The following DDX43 variants were observed in gnomAD, a reference collection of about 807,000 sequenced individuals.
DDX43 encodes the protein DEAD-box helicase 43.
In DDX43, 50 loss-of-function variants were observed where a neutral mutation model predicts 84.9. That is an observed-to-expected ratio of 0.59 (90% confidence interval 0.47 to 0.75). DDX43 has a LOEUF of 0.75. Ranked by LOEUF, DDX43 falls within the 30% of genes least tolerant of loss-of-function variation. The probability of loss-of-function intolerance (pLI) is 0.00; values close to 1 mark genes in which losing one functional copy is unlikely to be tolerated. For missense variants in DDX43, 689 were observed against 798.6 expected, an observed-to-expected ratio of 0.86 and a Z score of 1.65; for synonymous variants, 291 against 266.3, an observed-to-expected ratio of 1.09 and a Z score of -0.90.
chr6:73,395,435 T>A (rs917331605), intron 1 of DDX43, among the ~76,000 whole-genome samples: 1 of 151,762 alleles, frequency 6.6e-6, no homozygotes, highest in African/African-American at 2.4e-5. Flanking sequence ...CAAAACCCTG[T>A]CTCTACTAAA....
At chr6:73,416,036 C>T (rs1769891986) in intron 15 of DDX43, 77 bp from the exon 16 acceptor site, 1 of 790,020 alleles carries the variant, frequency 1.3e-6, no homozygotes, top group Non-Finnish European at 2.2e-6. Flanking sequence ...GTGCGATTAT[C>T]TGAAATGATT....
rs928862461 is a variant in DDX43 at position 73,397,600 on chromosome 6, A to G, written c.251-89A>G. The G allele has an allele frequency of 3.9e-6, 4 of 1,027,316 alleles. No individual in the cohort carries two copies. In the African/African-American group the frequency reaches 6.4e-5, roughly 16 times the overall value. The allele number at this position is 1,027,316 out of a possible 1,614,324, so 63.6% of individuals were successfully genotyped here. On this transcript the variant is annotated intron_variant, in intron 1 of 16. Coordinates refer to ENST00000370336, the MANE Select transcript of DDX43 (RefSeq NM_018665.3). ...ACCCTAGGAGCATTTGGGGGGAAGA[A>G]CTAGAGAATGTTTGTTGAGGAAAAT...
chr6:73,415,732 T>C, intron 15 of DDX43, 148 bp downstream of exon 15: 1 of 582,396 alleles, frequency 1.7e-6, no homozygotes, highest in Non-Finnish European at 3.0e-6. Context: ...TAAGAAACTA[T>C]GGGAGCATAT....
At position 73,410,327 on chromosome 6, in the gene DDX43, C is replaced by T. The variant is rs888942706; in HGVS notation, c.1280+979C>T. Among the ~76,000 whole-genome samples, 3 of 152,020 alleles carry T rather than the reference C, an allele frequency of 2.0e-5. No individual in the cohort carries two copies. The East Asian group carries it at 5.8e-4, about 30-fold the overall frequency. On this transcript the variant is annotated intron_variant, in intron 10 of 16. Coordinates refer to ENST00000370336, the MANE Select transcript of DDX43 (RefSeq NM_018665.3). Reference sequence around the variant, plus strand: ...GACTACAGGCACACGTCACCATGCCCAGCTAATTATTGTATTTTTACCGAT... The same window carrying T: ...GACTACAGGCACACGTCACCATGCCTAGCTAATTATTGTATTTTTACCGAT...
chr6:73,413,616 A>G (rs755078767), intron 11 of DDX43, 42 bp from the exon 12 acceptor site: 2 of 1,598,952 alleles, frequency 1.3e-6, no homozygotes, highest in East Asian at 2.2e-5. Context: ...CTCACCCTCA[A>G]TCATGATGAC....
At chr6:73,397,569 T>C in intron 1 of DDX43, 120 bp from the exon 2 acceptor site, 2 of 785,634 alleles carry the variant, frequency 2.5e-6, no homozygotes, top group Non-Finnish European at 4.1e-6. Flanking sequence ...AAAAAATGAT[T>C]GTTGAACCCT....
At chr6:73,403,507 T>C (rs1769616035) in intron 4 of DDX43, among the ~76,000 whole-genome samples, 1 of 151,914 alleles carries the variant, frequency 6.6e-6, no homozygotes, top group African/African-American at 2.4e-5. Context: ...GAAATGTAAC[T>C]TAAGAGAGTA....
intron 4 of DDX43, among the ~76,000 whole-genome samples, chr6:73,403,206 C>T (rs779946912): frequency 6.6e-6 from 1 of 152,136 alleles, no homozygotes; most frequent in Non-Finnish European, 1.5e-5. Context: ...CAGTGGCTCA[C>T]GCCTGTAATC....
chr6:73,409,560 A>T (rs1450517391), intron 10 of DDX43, among the ~76,000 whole-genome samples: 1 of 152,250 alleles, frequency 6.6e-6, no homozygotes, highest in African/African-American at 2.4e-5. Context: ...ATTTCAACAC[A>T]AACATTTACT....
intron 10 of DDX43, among the ~76,000 whole-genome samples, chr6:73,409,586 T>C (rs1164422257): frequency 1.3e-5 from 2 of 152,214 alleles, no homozygotes; most frequent in African/African-American, 4.8e-5. Context: ...TAGTAAGGTC[T>C]CACTTTTGAA....
At chr6:73,400,719 A>C (rs1331079458) in intron 3 of DDX43, among the ~76,000 whole-genome samples, 1 of 152,242 alleles carries the variant, frequency 6.6e-6, no homozygotes, top group African/African-American at 2.4e-5. Context: ...GATTGGTCCC[A>C]GGATCCTAAC....
intron 9 of DDX43, among the ~76,000 whole-genome samples, 196 bp from the exon 10 acceptor site, chr6:73,409,052 G>A (rs551520141): frequency 2.2e-3 from 330 of 152,330 alleles, no homozygotes; most frequent in Middle Eastern, 3.4e-3. Flanking sequence ...CTATTGGAAA[G>A]CCAACAAAAA....
chr6:73,409,474 C>G, intron 10 of DDX43, 126 bp downstream of exon 10: 1 of 761,014 alleles, frequency 1.3e-6, no homozygotes, highest in South Asian at 1.7e-5. Flanking sequence ...TGAAAGATCT[C>G]ATAACATTGG....
chr6:73,395,490 T>C (rs1476212123), intron 1 of DDX43, among the ~76,000 whole-genome samples: 2 of 152,008 alleles, frequency 1.3e-5, no homozygotes, highest in East Asian at 3.9e-4. Context: ...GGCGCGCGCC[T>C]GTAATCCCAG....
Position 73,414,660 on chromosome 6 carries a change from C to G in DDX43, c.1719C>G (p.His573Gln), listed in dbSNP as rs1769868110. The change falls in exon 14 of 17, where the codon CAC becomes CAG. Residue 573 changes from histidine (H) to glutamine (Q), a missense_variant. This residue lies in a region of DDX43 where 552 missense variants were observed against 692.7 expected (regional missense o/e 0.80). Transcript: ENST00000370336. ...DFPRNIEEYV[H>Q]RIGRTGRAGR... ...CACGGAATATTGAAGAATACGTACA[C>G]CGAATAGGGCGCACGGGAAGAGCAG... 6.2e-7 allele frequency: 1 copy of G among 1,613,592 alleles called. No homozygotes were observed. Among genetic ancestry groups the G allele is most frequent in the Non-Finnish European group, 8.5e-7 (1 of 1,179,842 alleles).
chr6:73,409,703 G>A (rs1310324943), intron 10 of DDX43, among the ~76,000 whole-genome samples: 5 of 152,198 alleles, frequency 3.3e-5, no homozygotes, highest in Non-Finnish European at 7.3e-5. Flanking sequence ...TATAAAGAAT[G>A]ATATCTCCTA....
At chr6:73,416,954 G>A (rs1287684603) in intron 16 of DDX43, among the ~76,000 whole-genome samples, 1 of 152,146 alleles carries the variant, frequency 6.6e-6, no homozygotes, top group Non-Finnish European at 1.5e-5. Flanking sequence ...CAGGAGAATC[G>A]CTTGAATCTG....
At chr6:73,400,114 A>G (rs901969517) in intron 2 of DDX43, 120 bp from the exon 3 acceptor site, 8 of 772,188 alleles carry the variant, frequency 1.0e-5, no homozygotes, top group Non-Finnish European at 1.6e-5. Flanking sequence ...TACTGTATTT[A>G]CTTTATACTG....
At position 73,412,299 on chromosome 6, in the gene DDX43, T is replaced by C. The variant is rs1769802170; in HGVS notation, c.1368+7T>C. On this transcript the variant is annotated splice_region_variant and intron_variant, in intron 11 of 16. Transcript: ENST00000370336. ...TGGTACATTGGATCTAGTTGTAAGC[T>C]TTTTTTTATTACTATTGTTTAACAT... is the stretch of plus-strand genomic sequence containing the variant. 6.3e-7 allele frequency: 1 copy of C among 1,588,064 alleles called. No homozygotes were observed. The highest frequency in any genetic ancestry group is 8.6e-7 in the Non-Finnish European group (1 of 1,164,160).
Sources: gnomAD v4.1 joint callset for allele counts (sites outside exome capture counted in the v4.1 genomes callset) on GRCh38, gnomAD v4.1.1 for gene constraint, gnomAD v4.1.1 regional missense constraint, MANE v1.5 for transcripts, NCBI Gene and HGNC (gene_info 2026-07-23, HGNC 2026-07-21) for gene names.